PHLPP1: variants seen among roughly 807,000 people sequenced by gnomAD.
PHLPP1 encodes PH domain and leucine rich repeat protein phosphatase 1, also known as PH domain leucine-rich repeat-containing protein phosphatase 1.
PHLPP1 carries 42 observed loss-of-function variants against 117.2 expected under a neutral mutation model. That is an observed-to-expected ratio of 0.36 (90% CI 0.28 to 0.46). The LOEUF is 0.46. PHLPP1 is among the 20% of genes least tolerant of loss of function. PHLPP1 has a pLI of 1.00. For synonymous variants in PHLPP1, 1,042 were observed against 970.7 expected (o/e 1.07, Z -1.37); for missense variants, 2,084 against 2,241.9 (o/e 0.93, Z 1.42).
At chr18:62,888,287 ATGTGTGTGTGTGTGTGTGTGTGTGTG>A (rs200659921) in intron 4 of PHLPP1, among the ~76,000 whole-genome samples, 4 of 130,864 alleles carry the variant, frequency 3.1e-5, no homozygotes, top group Non-Finnish European at 4.8e-5. Flanking sequence ...ATTTCACAAA[ATGTGTGTGTGTGTGTGTGTGTGTGTG>A]TGTGTGTGTG....
chr18:62,721,293 T>C (rs1910908105), intron 1 of PHLPP1, among the ~76,000 whole-genome samples: 1 of 152,162 alleles, frequency 6.6e-6, no homozygotes, highest in Non-Finnish European at 1.5e-5. Context: ...TGGATTTAAG[T>C]TGATATGAAT....
intron 2 of PHLPP1, among the ~76,000 whole-genome samples, chr18:62,836,791 G>A (rs772857681): frequency 4.6e-5 from 7 of 151,592 alleles, no homozygotes; most frequent in Admixed American, 6.6e-5. Context: ...GGGGCCAGGC[G>A]TGGCTCATGC....
intron 1 of PHLPP1, among the ~76,000 whole-genome samples, chr18:62,795,516 A>G (rs1213905429): frequency 6.6e-6 from 1 of 150,672 alleles, no homozygotes; most frequent in Non-Finnish European, 1.5e-5. Flanking sequence ...AAAAAAAACA[A>G]CAACAAAAAT....
chr18:62,974,443 A>G (rs1911132853), intron 15 of PHLPP1, among the ~76,000 whole-genome samples: 2 of 152,156 alleles, frequency 1.3e-5, no homozygotes, highest in South Asian at 4.1e-4. Flanking sequence ...TACACACGTG[A>G]TAGGAGCAGA....
intron 3 of PHLPP1, among the ~76,000 whole-genome samples, chr18:62,844,137 A>G (rs1165086700): frequency 6.6e-6 from 1 of 152,136 alleles, no homozygotes. Context: ...ACCTGAGGTT[A>G]GGAGTTCAAG....
At chr18:62,942,926 C>T (rs990737688) in intron 11 of PHLPP1, among the ~76,000 whole-genome samples, 8 of 152,126 alleles carry the variant, frequency 5.3e-5, no homozygotes, top group African/African-American at 1.9e-4. Context: ...TACTTTCCTC[C>T]TCATTTGATA....
chr18:62,957,162 T>A (rs766380018), intron 12 of PHLPP1, among the ~76,000 whole-genome samples: 15 of 152,242 alleles, frequency 9.9e-5, no homozygotes, highest in Admixed American at 1.3e-4. Context: ...TCTGCATTGT[T>A]GTATCTAGAG....
chr18:62,863,997 A>T (rs1360053012), intron 4 of PHLPP1, among the ~76,000 whole-genome samples: 20 of 133,786 alleles, frequency 1.5e-4, no homozygotes, highest in Middle Eastern at 7.4e-3. Flanking sequence ...TTTAATTTTT[A>T]AAAATTTATT....
chr18:62,761,626 C>T (rs964550613), intron 1 of PHLPP1, among the ~76,000 whole-genome samples: 10 of 148,190 alleles, frequency 6.7e-5, no homozygotes, highest in Non-Finnish European at 1.0e-4. Context: ...GAGCGAGACT[C>T]CGTCTCAAAA....
chr18:62,892,056 A>ATTTTCTTTC (rs1238846985), intron 4 of PHLPP1, among the ~76,000 whole-genome samples: 1 of 133,040 alleles, frequency 7.5e-6, no homozygotes, highest in Non-Finnish European at 1.6e-5. Flanking sequence ...TTTTCTTTTC[A>ATTTTCTTTC]TTTTCTTTCT....
chr18:62,873,614 C>T (rs1915964499), intron 4 of PHLPP1, among the ~76,000 whole-genome samples: 1 of 152,134 alleles, frequency 6.6e-6, no homozygotes, highest in Non-Finnish European at 1.5e-5. Context: ...CTAGAAGGTC[C>T]TAGCTGGTTC....
chr18:62,876,204 C>T (rs1042104392), intron 4 of PHLPP1, among the ~76,000 whole-genome samples: 20 of 151,972 alleles, frequency 1.3e-4, no homozygotes, highest in African/African-American at 4.1e-4. Context: ...TAAAATGGAC[C>T]GTATGAAACT....
rs774225759 is a variant in PHLPP1, at chr18:62,900,433, C to CTTTTTTTTTTTTTTT, written c.2445-2517_2445-2503dup. On this transcript the variant is annotated intron_variant, in intron 6 of 16. Coordinates refer to ENST00000262719, the MANE Select transcript of PHLPP1 (RefSeq NM_194449.4). ...GTATTCTTGTTTTTTCTTTTTCTTT[C>CTTTTTTTTTTTTTTT]TTTTTTTTTTTTTTTTTTTTTTTTT... Among the ~76,000 whole-genome samples the CTTTTTTTTTTTTTTT allele has an allele frequency of 9.2e-5, 5 of 54,258 alleles. 2 individuals carry two copies. Among genetic ancestry groups the CTTTTTTTTTTTTTTT allele is most frequent in the Non-Finnish European group, 6.7e-5 (2 of 30,070 alleles). The allele number at this position is 54,258 out of a possible 152,430, so 35.6% of individuals were successfully genotyped here.
chr18:62,974,501 A>T (rs753697876), intron 15 of PHLPP1, among the ~76,000 whole-genome samples: 4 of 152,036 alleles, frequency 2.6e-5, no homozygotes, highest in Non-Finnish European at 5.9e-5. Context: ...GTTTTTCTTA[A>T]CTTTCTTGCT....
chr18:62,717,043 A>C lies in PHLPP1; in HGVS notation c.1360A>C (p.Arg454=). 3.2e-6 allele frequency: 5 copies of C among 1,546,330 alleles called. No individual in the cohort carries two copies. Among genetic ancestry groups the C allele is most frequent in the Non-Finnish European group, 4.4e-6 (5 of 1,146,236 alleles). ...GGGAGGCCTCCAGTCTACCCCCGGGAGGAGCGGGGTGACCGCGGAGAAGGC... is the reference window on the plus strand; with the variant it reads ...GGGAGGCCTCCAGTCTACCCCCGGGCGGAGCGGGGTGACCGCGGAGAAGGC... ...APGGLQSTPG[R]SGVTAEKAPP... The change falls in exon 1 of 17, where the codon AGG becomes CGG. Residue 454 remains arginine (R), a synonymous_variant. Coordinates refer to ENST00000262719, the MANE Select transcript of PHLPP1 (RefSeq NM_194449.4).
At chr18:62,943,835 CAT>C (rs1387740336) in intron 11 of PHLPP1, among the ~76,000 whole-genome samples, 5 of 152,066 alleles carry the variant, frequency 3.3e-5, no homozygotes, top group African/African-American at 1.2e-4. Context: ...ATGATGATAA[CAT>C]ATTTAAATAA....
chr18:62,739,205 G>A (rs939413503), intron 1 of PHLPP1, among the ~76,000 whole-genome samples: 1 of 152,220 alleles, frequency 6.6e-6, no homozygotes, highest in African/African-American at 2.4e-5. Flanking sequence ...TTGTTAGAGT[G>A]AGGAAAGGCC....
chr18:62,928,589 G>A lies in PHLPP1; in HGVS notation c.2960+8475G>A, dbSNP rs923227875. Reference sequence around the variant, plus strand: ...AATGTAAAGTGATGCAAGTACTTTGGAAAACAGATTGTCAGTTCCTCAAAT... The same window carrying A: ...AATGTAAAGTGATGCAAGTACTTTGAAAAACAGATTGTCAGTTCCTCAAAT... On this transcript the variant is annotated intron_variant, in intron 10 of 16. Transcript: ENST00000262719. 7.2e-5 allele frequency among the ~76,000 whole-genome samples: 11 copies of A among 152,132 alleles called. No homozygotes were observed. In the South Asian group the frequency reaches 1.2e-3, roughly 17 times the overall value.
chr18:62,841,158 G>A (rs1436500702), intron 3 of PHLPP1, among the ~76,000 whole-genome samples: 1 of 152,082 alleles, frequency 6.6e-6, no homozygotes, highest in Non-Finnish European at 1.5e-5. Context: ...AAAGTGCTGG[G>A]ACTATAGGCG....
Sources: gnomAD v4.1 joint callset for allele counts (sites outside exome capture counted in the v4.1 genomes callset) on GRCh38, gnomAD v4.1.1 for gene constraint, MANE v1.5 for transcripts, NCBI Gene and HGNC (gene_info 2026-07-23, HGNC 2026-07-21) for gene names.